The following ELF2 variants were observed in gnomAD, a reference collection of about 807,000 sequenced individuals.
ELF2 encodes the protein E74 like ETS transcription factor 2.
ELF2 carries 11 observed loss-of-function variants against 54.8 expected under a neutral mutation model. The observed-to-expected ratio is 0.20, with a 90% CI of 0.13 to 0.33. ELF2 has a LOEUF of 0.33. Among genes scored for constraint, ELF2 ranks in the 10% least tolerant of loss-of-function variants. The probability of loss-of-function intolerance (pLI) is 1.00; values close to 1 mark genes in which losing one functional copy is unlikely to be tolerated. For synonymous variants in ELF2, 203 were observed against 245.1 expected (o/e 0.83, Z 1.61); for missense variants, 513 against 703.0 (o/e 0.73, Z 3.06).
intron 6 of ELF2, among the ~76,000 whole-genome samples, chr4:139,068,941 C>T (rs1729126519): frequency 1.3e-5 from 2 of 151,698 alleles, no homozygotes; most frequent in Non-Finnish European, 2.9e-5. Flanking sequence ...CGCAGTGACG[C>T]GAACACAGCT....
chr4:139,071,251 G>A (rs908177123), intron 6 of ELF2, among the ~76,000 whole-genome samples: 11 of 151,778 alleles, frequency 7.2e-5, no homozygotes, highest in African/African-American at 2.7e-4. Flanking sequence ...TGTGAATATT[G>A]TATATAGTAT....
At position 139,060,480 on chromosome 4, in the gene ELF2, G is replaced by A; in HGVS notation, c.1001C>T (p.Ala334Val). 3.1e-6 allele frequency: 5 copies of A among 1,614,172 alleles called. No individual in the cohort carries two copies. The highest frequency in any genetic ancestry group is 1.6e-4 in the Middle Eastern group (1 of 6,062). Reference sequence around the variant, plus strand: ...ATTTTTTCCACTGCGAACAGAGGATGCTGCTTTCAGGAGACTTTCTGCAGA... The same window carrying A: ...ATTTTTTCCACTGCGAACAGAGGATACTGCTTTCAGGAGACTTTCTGCAGA... ...SLSAESLLKAASSVRSGKNSS... is the reference protein window; with the variant it reads ...SLSAESLLKAVSSVRSGKNSS... The change falls in exon 9 of 10, where the codon GCA becomes GTA. Residue 334 changes from alanine (A) to valine (V), a missense_variant. Transcript: ENST00000686138.
intron 2 of ELF2, among the ~76,000 whole-genome samples, chr4:139,138,482 G>T (rs1297093149): frequency 6.6e-6 from 1 of 151,510 alleles, no homozygotes; most frequent in African/African-American, 2.4e-5. Context: ...AAATATGTTA[G>T]TTTCTATAAA....
chr4:139,175,130 C>A (rs7688447), intron 1 of ELF2, among the ~76,000 whole-genome samples: 117,444 of 152,156 alleles, frequency 0.77, 46,414 homozygotes, highest in African/African-American at 0.89. Context: ...ATTATATCAT[C>A]GTGAAGCTGT....
intron 1 of ELF2, among the ~76,000 whole-genome samples, chr4:139,161,334 T>A (rs1261879339): frequency 6.6e-6 from 1 of 152,174 alleles, no homozygotes; most frequent in Non-Finnish European, 1.5e-5. Context: ...GTTTTACTAG[T>A]TAGAATTTGT....
chr4:139,177,249 C>T (rs1474968773), upstream of ELF2: 2 of 149,738 alleles, frequency 1.3e-5, no homozygotes, highest in African/African-American at 4.9e-5. Context: ...GCTCCCGGCC[C>T]CCTCCCTCCA....
At chr4:139,081,237 A>G (rs1731069104) in intron 4 of ELF2, among the ~76,000 whole-genome samples, 1 of 152,174 alleles carries the variant, frequency 6.6e-6, no homozygotes, top group Non-Finnish European at 1.5e-5. Flanking sequence ...GTTTTAATAA[A>G]TAAGCTTATT....
At chr4:139,156,139 A>T (rs78716514) in intron 1 of ELF2, among the ~76,000 whole-genome samples, 2,124 of 152,222 alleles carry the variant, frequency 0.014, 21 homozygotes, top group Admixed American at 0.024. Flanking sequence ...TATCCAGTTA[A>T]CATGTTATTA....
At position 139,143,359 on chromosome 4, in the gene ELF2, A is replaced by C. The variant is rs555347236; in HGVS notation, c.-251-3862T>G. ...GAGGAGCACACAAAGAAATGAGTAG[A>C]TATTATTGTTATGCCTCCCTTCACT... On this transcript the variant is annotated intron_variant, in intron 1 of 9. Coordinates refer to ENST00000686138, the MANE Select transcript of ELF2 (RefSeq NM_001331036.3). Among the ~76,000 whole-genome samples, 4 of 152,326 alleles carry C rather than the reference A, an allele frequency of 2.6e-5. No homozygotes were observed. In the South Asian group the frequency reaches 8.3e-4, roughly 32 times the overall value.
intron 7 of ELF2, among the ~76,000 whole-genome samples, chr4:139,063,951 C>T (rs1381861266): frequency 6.6e-6 from 1 of 152,104 alleles, no homozygotes; most frequent in African/African-American, 2.4e-5. Context: ...CATTAGAAGA[C>T]GCTTTTCAGA....
chr4:139,112,926 C>T (rs913761169), intron 4 of ELF2, among the ~76,000 whole-genome samples: 1 of 151,986 alleles, frequency 6.6e-6, no homozygotes, highest in Non-Finnish European at 1.5e-5. Context: ...TTTTTTAAGT[C>T]TCTCTGAATA....
intron 4 of ELF2, among the ~76,000 whole-genome samples, chr4:139,081,027 T>G (rs1396705607): frequency 6.6e-6 from 1 of 151,534 alleles, no homozygotes; most frequent in Admixed American, 6.6e-5. Flanking sequence ...TAAAAGTCAT[T>G]AGCAATCATC....
chr4:139,127,698 T>C (rs1208563347), intron 3 of ELF2, among the ~76,000 whole-genome samples: 1 of 151,932 alleles, frequency 6.6e-6, no homozygotes, highest in Non-Finnish European at 1.5e-5. Flanking sequence ...AAATTCAGGG[T>C]TCATGCCTGT....
intron 3 of ELF2, among the ~76,000 whole-genome samples, chr4:139,133,850 C>T (rs1294352933): frequency 6.6e-6 from 1 of 152,186 alleles, no homozygotes; most frequent in Non-Finnish European, 1.5e-5. Flanking sequence ...GCTTTGTATA[C>T]ACTCACCTCA....
intron 4 of ELF2, chr4:139,084,438 G>GAGCGGCAGGGGCAGGGGC: frequency 8.9e-7 from 1 of 1,118,126 alleles, no homozygotes; most frequent in Non-Finnish European, 1.1e-6. Context: ...GCAGGGGCAG[G>GAGCGGCAGGGGCAGGGGC]GGCGGCGGCG....
chr4:139,127,370 A>G (rs1292201205), intron 3 of ELF2, among the ~76,000 whole-genome samples: 6 of 152,176 alleles, frequency 3.9e-5, no homozygotes, highest in African/African-American at 1.2e-4. Context: ...AACTCATGGC[A>G]TTGCTCACTG....
chr4:139,116,748 C>T, intron 4 of ELF2: 14 of 985,130 alleles, frequency 1.4e-5, no homozygotes, highest in Non-Finnish European at 1.7e-5. Context: ...GATCTTCTAC[C>T]TCCCTGTGGC....
intron 4 of ELF2, among the ~76,000 whole-genome samples, chr4:139,121,041 T>A (rs966581720): frequency 4.6e-5 from 7 of 152,146 alleles, no homozygotes; most frequent in African/African-American, 1.4e-4. Context: ...CCTTTGAATT[T>A]GTAAATAACG....
At chr4:139,072,281 A>T (rs1729623303) in intron 5 of ELF2, 1 of 408,536 alleles carries the variant, frequency 2.4e-6, no homozygotes, top group South Asian at 3.1e-5. Flanking sequence ...AAGGATCATG[A>T]GTAGTCACTC....
Sources: allele counts gnomAD v4.1 joint callset (sites outside exome capture counted in the v4.1 genomes callset), GRCh38; gene constraint gnomAD v4.1.1; transcripts MANE v1.5; gene names NCBI Gene and HGNC (gene_info 2026-07-23, HGNC 2026-07-21).